The following SEMA3C variants were observed in gnomAD, a reference collection of about 807,000 sequenced individuals.
The protein encoded by SEMA3C is semaphorin 3C, also known as semaphorin-3C.
SEMA3C carries 47 observed loss-of-function variants against 89.4 expected under a neutral mutation model. The ratio of observed to expected loss-of-function variants is 0.53; its 90% CI spans 0.42 to 0.67. The LOEUF is 0.67. SEMA3C is among the 30% of genes least tolerant of loss of function. The pLI, the probability that SEMA3C is intolerant of heterozygous loss-of-function variation, is 0.00. For missense variants in SEMA3C, 839 were observed against 929.1 expected (o/e 0.90, Z 1.26); for synonymous variants, 310 against 320.2 (o/e 0.97, Z 0.34).
intron 12 of SEMA3C, among the ~76,000 whole-genome samples, chr7:80,778,764 C>T (rs773458857): frequency 3.1e-4 from 47 of 152,176 alleles, no homozygotes; most frequent in Non-Finnish European, 5.7e-4. Flanking sequence ...AACCTACTAC[C>T]AGGGCACTCA....
intron 11 of SEMA3C, chr7:80,793,629 T>G (rs1205632730): frequency 2.8e-6 from 1 of 352,516 alleles, no homozygotes; most frequent in Non-Finnish European, 5.5e-6. Flanking sequence ...GGCAATATTT[T>G]TAAAACAAGT....
chr7:80,840,404 A>G (rs1301622441), intron 2 of SEMA3C, among the ~76,000 whole-genome samples: 1 of 151,502 alleles, frequency 6.6e-6, no homozygotes, highest in Non-Finnish European at 1.5e-5. Context: ...CTGTAGTCCC[A>G]GCTACTCAGG....
intron 12 of SEMA3C, among the ~76,000 whole-genome samples, chr7:80,786,223 A>C: frequency 6.6e-6 from 1 of 152,210 alleles, no homozygotes; most frequent in East Asian, 1.9e-4. Context: ...AATTCTATGA[A>C]ATGGTGCCAG....
intron 2 of SEMA3C, among the ~76,000 whole-genome samples, chr7:80,862,596 T>TA (rs901062229): frequency 4.6e-5 from 7 of 152,054 alleles, no homozygotes; most frequent in African/African-American, 1.7e-4. Flanking sequence ...AACACAATTC[T>TA]AAAATTCACA....
At chr7:80,868,200 A>T (rs1790974095) in intron 2 of SEMA3C, among the ~76,000 whole-genome samples, 1 of 152,222 alleles carries the variant, frequency 6.6e-6, no homozygotes, top group Admixed American at 6.5e-5. Flanking sequence ...GGCAGACTTG[A>T]GAAAGCATGA....
At chr7:80,885,591 T>C (rs535513625) in intron 2 of SEMA3C, among the ~76,000 whole-genome samples, 1 of 152,180 alleles carries the variant, frequency 6.6e-6, no homozygotes, top group South Asian at 2.1e-4. Context: ...CACTTCAGCG[T>C]GAGCAACACA....
At chr7:80,911,142 T>C (rs952300974) in intron 2 of SEMA3C, among the ~76,000 whole-genome samples, 1 of 152,200 alleles carries the variant, frequency 6.6e-6, no homozygotes, top group African/African-American at 2.4e-5. Context: ...TCAGGCAGGT[T>C]TGATGTTCTA....
rs150454239 is a variant in SEMA3C, at chr7:80,872,460, G to A, written c.104-43715C>T. On this transcript the variant is annotated intron_variant, in intron 2 of 17. Coordinates refer to ENST00000265361, the MANE Select transcript of SEMA3C (RefSeq NM_006379.5). ...AATCCCAAGAGGGGGGTGAGTAGAA[G>A]TTATATTTAGAAGGATTACATCTCT... Among the ~76,000 whole-genome samples the A allele has an allele frequency of 9.5e-4, 145 of 152,144 alleles. 1 individual carries two copies. The highest frequency in any genetic ancestry group is 3.2e-3 in the African/African-American group (134 of 41,510).
chr7:80,792,949 G>C (rs1458135562), intron 11 of SEMA3C, among the ~76,000 whole-genome samples: 1 of 152,034 alleles, frequency 6.6e-6, no homozygotes, highest in Non-Finnish European at 1.5e-5. Flanking sequence ...CTCTCACCTT[G>C]CAAAATAATA....
chr7:80,799,432 G>A (rs1215454557), intron 10 of SEMA3C, among the ~76,000 whole-genome samples: 3 of 151,972 alleles, frequency 2.0e-5, no homozygotes, highest in Non-Finnish European at 4.4e-5. Flanking sequence ...AAAAATATGA[G>A]CAAGATTAAA....
At chr7:80,749,135 G>A in intron 16 of SEMA3C, 107 bp from the exon 17 acceptor site, 1 of 1,177,318 alleles carries the variant, frequency 8.5e-7, no homozygotes, top group Non-Finnish European at 1.1e-6. Context: ...ATACAAAATT[G>A]TGAACAACTA....
intron 2 of SEMA3C, among the ~76,000 whole-genome samples, chr7:80,842,944 AC>A (rs1562901624): frequency 6.6e-6 from 1 of 152,178 alleles, no homozygotes; most frequent in Non-Finnish European, 1.5e-5. Context: ...TATGAAAAGA[AC>A]AAAATTATAT....
At chr7:80,757,298 A>C (rs532777002) in intron 15 of SEMA3C, among the ~76,000 whole-genome samples, 7 of 152,362 alleles carry the variant, frequency 4.6e-5, no homozygotes, top group Admixed American at 1.3e-4. Flanking sequence ...TCACTGTATG[A>C]CTGAAAATAC....
intron 2 of SEMA3C, among the ~76,000 whole-genome samples, chr7:80,869,845 A>G (rs1321784074): frequency 6.6e-6 from 1 of 152,056 alleles, no homozygotes; most frequent in Admixed American, 6.6e-5. Context: ...GAAATCTCTT[A>G]CTCATTCTGG....
At chr7:80,764,343 C>T (rs987452918) in intron 13 of SEMA3C, among the ~76,000 whole-genome samples, 7 of 152,128 alleles carry the variant, frequency 4.6e-5, no homozygotes, top group African/African-American at 7.2e-5. Context: ...GATTCCATGC[C>T]AAACTTTCTT....
chr7:80,807,106 A>T (rs1789359969), intron 6 of SEMA3C, among the ~76,000 whole-genome samples: 1 of 152,112 alleles, frequency 6.6e-6, no homozygotes, highest in South Asian at 2.1e-4. Flanking sequence ...CTTCTTTAAA[A>T]TTCTAAGAAC....
At chr7:80,883,630 A>G (rs1052822667) in intron 2 of SEMA3C, among the ~76,000 whole-genome samples, 2 of 152,218 alleles carry the variant, frequency 1.3e-5, no homozygotes, top group Admixed American at 6.5e-5. Flanking sequence ...TTTTTGTCCT[A>G]TGACTCACCC....
chr7:80,911,824 G>A (rs1259657949), intron 2 of SEMA3C, among the ~76,000 whole-genome samples: 1 of 151,898 alleles, frequency 6.6e-6, no homozygotes, highest in Non-Finnish European at 1.5e-5. Context: ...TAGTAGAGAC[G>A]GGGTATCACC....
At chr7:80,816,559 T>C (rs1789612101) in intron 5 of SEMA3C, among the ~76,000 whole-genome samples, 1 of 152,156 alleles carries the variant, frequency 6.6e-6, no homozygotes, top group Non-Finnish European at 1.5e-5. Context: ...GATTAAACTG[T>C]GTAGTTCTAT....
Sources: gnomAD v4.1 joint callset for allele counts (sites outside exome capture counted in the v4.1 genomes callset) on GRCh38, gnomAD v4.1.1 for gene constraint, MANE v1.5 for transcripts, NCBI Gene and HGNC (gene_info 2026-07-23, HGNC 2026-07-21) for gene names.